FARS2: variants seen among roughly 807,000 people sequenced by gnomAD.
FARS2 encodes phenylalanyl-tRNA synthetase 2, mitochondrial, also known as phenylalanine--tRNA ligase, mitochondrial.
A neutral mutation model predicts 46.4 loss-of-function variants in FARS2; 40 were observed. That is an observed-to-expected ratio of 0.86 (90% CI 0.67 to 1.12). The LOEUF (loss-of-function observed/expected upper bound fraction) is 1.12, where lower values mean the gene tolerates loss of function less well. Ranked by LOEUF, FARS2 falls within the 50% of genes most tolerant of loss-of-function variation. The pLI is 0.00. For synonymous variants in FARS2, 234 were observed against 214.9 expected (o/e 1.09, Z -0.78); for missense variants, 513 against 567.9 (o/e 0.90, Z 0.98).
chr6:5,658,925 C>G (rs1777722973), intron 6 of FARS2, among the ~76,000 whole-genome samples: 1 of 152,250 alleles, frequency 6.6e-6, no homozygotes, highest in East Asian at 1.9e-4. Flanking sequence ...ATTACTGTCT[C>G]CTTAGCTGCC....
At chr6:5,447,564 G>T (rs762457125) in intron 4 of FARS2, among the ~76,000 whole-genome samples, 10 of 152,188 alleles carry the variant, frequency 6.6e-5, no homozygotes, top group Non-Finnish European at 1.5e-4. Flanking sequence ...AGTGGAAACT[G>T]TTAGGTGAAG....
In FARS2 at chr6:5,613,765, C is replaced by T. The variant is rs6941827; in HGVS notation, c.1217+445C>T. Among the ~76,000 whole-genome samples the T allele has an allele frequency of 2.9e-3, 439 of 152,306 alleles. 3 individuals are homozygous for T. The highest frequency in any genetic ancestry group is 0.01 in the African/African-American group (422 of 41,544). ...TTAAATGTGTTCCAAACAGACTTAG[C>T]TCTGCCTTCTTGGAACTTATAGTCT... On this transcript the variant is annotated intron_variant, in intron 6 of 6. Coordinates refer to ENST00000274680, the MANE Select transcript of FARS2 (RefSeq NM_006567.5).
chr6:5,510,184 C>G (rs774516831), intron 4 of FARS2, among the ~76,000 whole-genome samples: 7 of 152,128 alleles, frequency 4.6e-5, no homozygotes, highest in Non-Finnish European at 8.8e-5. Context: ...GATTTTGCCT[C>G]ATTTCAAATT....
chr6:5,579,236 C>T (rs1773183508), intron 5 of FARS2, among the ~76,000 whole-genome samples: 2 of 152,120 alleles, frequency 1.3e-5, no homozygotes, highest in Admixed American at 6.6e-5. Flanking sequence ...TTACATTTTA[C>T]CAATGACTTT....
At chr6:5,485,496 G>A (rs186032946) in intron 4 of FARS2, among the ~76,000 whole-genome samples, 44 of 135,578 alleles carry the variant, frequency 3.2e-4, no homozygotes, top group Non-Finnish European at 6.1e-4. Flanking sequence ...AAGTGGGGGG[G>A]ACTGGGCTTG....
At chr6:5,623,442 G>T (rs563735721) in intron 6 of FARS2, among the ~76,000 whole-genome samples, 1 of 152,144 alleles carries the variant, frequency 6.6e-6, no homozygotes, top group Non-Finnish European at 1.5e-5. Context: ...GGCCGGGCAC[G>T]GTGGCTCATG....
intron 1 of FARS2, among the ~76,000 whole-genome samples, chr6:5,341,200 T>TATAGATATAG (rs1290721709): frequency 8.2e-4 from 4 of 4,866 alleles, no homozygotes; most frequent in African/African-American, 2.4e-3. Context: ...TATATATATA[T>TATAGATATAG]ATATATATAT....
chr6:5,640,537 T>A (rs1434687853), intron 6 of FARS2, among the ~76,000 whole-genome samples: 1 of 152,074 alleles, frequency 6.6e-6, no homozygotes, highest in Non-Finnish European at 1.5e-5. Flanking sequence ...AAAGAAACAT[T>A]TTGTCTGAGG....
chr6:5,336,015 C>T (rs993374452), intron 1 of FARS2, among the ~76,000 whole-genome samples: 1 of 152,120 alleles, frequency 6.6e-6, no homozygotes, highest in East Asian at 1.9e-4. Flanking sequence ...CCCACTTGCC[C>T]ACTGTCTTTC....
At chr6:5,358,197 T>C (rs530847704) in intron 1 of FARS2, among the ~76,000 whole-genome samples, 2 of 152,164 alleles carry the variant, frequency 1.3e-5, no homozygotes, top group African/African-American at 4.8e-5. Context: ...TTTAAAAAAA[T>C]TTTTAATTTT....
At chr6:5,605,672 G>T (rs1257578223) in intron 5 of FARS2, among the ~76,000 whole-genome samples, 1 of 152,180 alleles carries the variant, frequency 6.6e-6, no homozygotes, top group East Asian at 1.9e-4. Flanking sequence ...CTCTGACCTT[G>T]GGGTGTCAGC....
At chr6:5,392,925 C>CATATGTGTGTGTGTATATTAT (rs1554175098) in intron 2 of FARS2, among the ~76,000 whole-genome samples, 3 of 91,616 alleles carry the variant, frequency 3.3e-5, no homozygotes, top group East Asian at 1.3e-3. Context: ...TGTATATATA[C>CATATGTGTGTGTGTATATTAT]ATATATGTGT....
chr6:5,694,132 A>G (rs1757950099), intron 6 of FARS2, among the ~76,000 whole-genome samples: 1 of 152,246 alleles, frequency 6.6e-6, no homozygotes, highest in South Asian at 2.1e-4. Context: ...TTCTGTAGGA[A>G]ATAAACAAGT....
At chr6:5,393,541 C>A (rs932001765) in intron 2 of FARS2, among the ~76,000 whole-genome samples, 1 of 151,940 alleles carries the variant, frequency 6.6e-6, no homozygotes, top group Non-Finnish European at 1.5e-5. Context: ...GCCTGTAGTC[C>A]CAGCTACTTG....
At chr6:5,487,024 T>A (rs1766814353) in intron 4 of FARS2, among the ~76,000 whole-genome samples, 1 of 151,502 alleles carries the variant, frequency 6.6e-6, no homozygotes, top group East Asian at 1.9e-4. Flanking sequence ...ATGAAGCTGG[T>A]TGGATATTGG....
rs80316616 is a variant in FARS2 at position 5,612,429 on chromosome 6, A to G, written c.1066-740A>G. Among the ~76,000 whole-genome samples, 25 of 152,308 alleles carry G rather than the reference A, an allele frequency of 1.6e-4. No individual in the cohort carries two copies. The East Asian group carries it at 4.8e-3, about 29-fold the overall frequency. The stretch of plus-strand genomic sequence containing the variant: ...GACCAAAACATACACACATATATCT[A>G]TGTATAATTTTGATGTATATATGTG... On this transcript the variant is annotated intron_variant, in intron 5 of 6. Transcript: ENST00000274680.
chr6:5,446,115 A>G (rs1035712378), intron 4 of FARS2, among the ~76,000 whole-genome samples: 1 of 151,984 alleles, frequency 6.6e-6, no homozygotes, highest in Admixed American at 6.5e-5. Context: ...AGGCAGGAGA[A>G]TGCCGTGAAT....
At chr6:5,651,935 T>C (rs1284365689) in intron 6 of FARS2, among the ~76,000 whole-genome samples, 1 of 152,066 alleles carries the variant, frequency 6.6e-6, no homozygotes, top group East Asian at 1.9e-4. Context: ...GAAACCAAGC[T>C]GATGACAAGT....
At chr6:5,625,197 A>G (rs1423772879) in intron 6 of FARS2, among the ~76,000 whole-genome samples, 1 of 152,174 alleles carries the variant, frequency 6.6e-6, no homozygotes, top group Non-Finnish European at 1.5e-5. Flanking sequence ...TTTGTGAGAA[A>G]GTCTCAAGGA....
Sources: gnomAD v4.1 joint callset for allele counts (sites outside exome capture counted in the v4.1 genomes callset) on GRCh38, gnomAD v4.1.1 for gene constraint, MANE v1.5 for transcripts, NCBI Gene and HGNC (gene_info 2026-07-23, HGNC 2026-07-21) for gene names.